The following LRRC36 variants were observed in gnomAD, a reference collection of about 807,000 sequenced individuals.
LRRC36 encodes leucine rich repeat containing 36, also known as leucine-rich repeat-containing protein 36.
Under a neutral mutation model 81.1 loss-of-function variants are expected in LRRC36, and 62 were observed. That is an observed-to-expected ratio of 0.76 (90% confidence interval 0.62 to 0.94). The LOEUF (loss-of-function observed/expected upper bound fraction) is 0.94. LRRC36 is among the 40% of genes least tolerant of loss of function. The pLI is 0.00. For missense variants in LRRC36, 761 were observed against 881.7 expected, an observed-to-expected ratio of 0.86 and a Z score of 1.73; for synonymous variants, 334 against 348.6, an observed-to-expected ratio of 0.96 and a Z score of 0.47.
intron 1 of LRRC36, among the ~76,000 whole-genome samples, chr16:67,339,610 G>A: frequency 6.6e-6 from 1 of 152,186 alleles, no homozygotes; most frequent in East Asian, 1.9e-4. Flanking sequence ...AGGTGGGCCA[G>A]AATAGCTTTT....
intron 1 of LRRC36, among the ~76,000 whole-genome samples, chr16:67,334,348 A>G (rs897380959): frequency 1.5e-5 from 2 of 135,470 alleles, no homozygotes; most frequent in Admixed American, 7.5e-5. Flanking sequence ...TTTTTGAGGC[A>G]GAGTCTTGTT....
intron 5 of LRRC36, among the ~76,000 whole-genome samples, chr16:67,357,071 G>A (rs920421604): frequency 3.3e-5 from 5 of 152,156 alleles, no homozygotes; most frequent in Admixed American, 6.5e-5. Context: ...ACCTGTCCTC[G>A]GAGGCCAATG....
chr16:67,355,872 A>T (rs1323194471), intron 5 of LRRC36, among the ~76,000 whole-genome samples: 1 of 152,180 alleles, frequency 6.6e-6, no homozygotes, highest in African/African-American at 2.4e-5. Context: ...CAGACCTTAC[A>T]GGCTGGAGAG....
chr16:67,355,393 G>A (rs1415932481), intron 5 of LRRC36, among the ~76,000 whole-genome samples: 1 of 10,308 alleles, frequency 9.7e-5, no homozygotes, highest in African/African-American at 1.4e-4. Flanking sequence ...TTTTTTTTTT[G>A]AGACGGAGTC....
intron 5 of LRRC36, among the ~76,000 whole-genome samples, chr16:67,357,350 A>T (rs2038947642): frequency 6.6e-6 from 1 of 152,268 alleles, no homozygotes; most frequent in Non-Finnish European, 1.5e-5. Context: ...AATAGTTATT[A>T]CATATTAATA....
chr16:67,328,338 C>T (rs2037304301), intron 1 of LRRC36, among the ~76,000 whole-genome samples: 1 of 152,120 alleles, frequency 6.6e-6, no homozygotes, highest in Non-Finnish European at 1.5e-5. Flanking sequence ...AGTGAAACCC[C>T]GTCTCTACTA....
intron 1 of LRRC36, among the ~76,000 whole-genome samples, chr16:67,333,621 G>A (rs1170580480): frequency 6.6e-6 from 1 of 151,792 alleles, no homozygotes; most frequent in East Asian, 1.9e-4. Context: ...CCTCTTCTGG[G>A]TATTTCATAT....
At chr16:67,375,098 G>A (rs2039829312) in intron 9 of LRRC36, 149 bp from the exon 10 acceptor site, 4 of 799,756 alleles carry the variant, frequency 5.0e-6, no homozygotes, top group Non-Finnish European at 5.8e-6. Flanking sequence ...CTGCACTCCA[G>A]CCTGGGTGAC....
At chr16:67,327,490 C>T (rs1319313180) in intron 1 of LRRC36, among the ~76,000 whole-genome samples, 1 of 151,986 alleles carries the variant, frequency 6.6e-6, no homozygotes, top group African/African-American at 2.4e-5. Flanking sequence ...GAGACTCCAT[C>T]TCAAAAATAA....
Position 67,376,872 on chromosome 16 carries a change from G to T in LRRC36, c.1806G>T (p.Met602Ile). Reference sequence around the variant, plus strand: ...CTGCGCAGCTGGTCCCTAATGACATGGTATGCCCCTCTCATCTCCCTTTAG... The same window carrying T: ...CTGCGCAGCTGGTCCCTAATGACATTGTATGCCCCTCTCATCTCCCTTTAG... The part of the protein sequence containing the change: ...KEAAQLVPND[M>I]ESLKQKLVRV... Residue 602 changes from methionine (M) to isoleucine (I), a missense_variant and splice_region_variant, in exon 11 of 14, where the codon ATG (methionine) becomes ATT (isoleucine). By Grantham distance (10) the Met-to-Ile change is conservative (BLOSUM62 1). Coordinates refer to ENST00000329956, the MANE Select transcript of LRRC36 (RefSeq NM_018296.6). 1 of 1,608,138 alleles carries T rather than the reference G, an allele frequency of 6.2e-7. No homozygotes were observed. Among genetic ancestry groups the T allele is most frequent in the South Asian group, 1.1e-5 (1 of 90,692 alleles).
Position 67,376,833 on chromosome 16 carries a change from T to C in LRRC36, c.1767T>C (p.Leu589=), listed in dbSNP as rs1218468321. 1 of 1,613,782 alleles carries C rather than the reference T, an allele frequency of 6.2e-7. No homozygotes were observed. The highest frequency in any genetic ancestry group is 8.5e-7 in the Non-Finnish European group (1 of 1,179,798). ...DTMKAFCRRE[L]ELKEAAQLVP... ...TGAAAGCATTCTGCAGGAGGGAGCT[T>C]GAACTGAAGGAGGCTGCGCAGCTGG... Residue 589 remains leucine (L), a synonymous_variant, in exon 11 of 14, where the codon CTT becomes CTC. Transcript: ENST00000329956.
At position 67,370,935 on chromosome 16, in the gene LRRC36, C is replaced by G; in HGVS notation, c.1196-9C>G. On this transcript the variant is annotated splice_polypyrimidine_tract_variant and intron_variant, in intron 8 of 13. Transcript: ENST00000329956. ...GGCAGGTTCATCTGTTAGCCTGTTT[C>G]CTCCACAGATCTGTATGCCACAACC... is the stretch of plus-strand genomic sequence containing the variant. 1 of 1,606,060 alleles carries G rather than the reference C, an allele frequency of 6.2e-7. No homozygotes were observed. Among genetic ancestry groups the G allele is most frequent in the Non-Finnish European group, 8.5e-7 (1 of 1,173,824 alleles).
At position 67,371,109 on chromosome 16, in the gene LRRC36, C is replaced by T. The variant is rs1304027197; in HGVS notation, c.1361C>T (p.Pro454Leu). The change falls in exon 9 of 14, where the codon CCT (proline) becomes CTT (leucine). Residue 454 changes from proline (P) to leucine (L), a missense_variant. Physicochemically the swap from Pro to Leu is moderately conservative, Grantham distance 98. Transcript: ENST00000329956. The stretch of plus-strand genomic sequence containing the variant: ...CCTCTGCGGACACTGCTGTTGTCTC[C>T]TGGGACTTCAGAACACAGAAAGATT... ...TTPLRTLLLS[P>L]GTSEHRKIFT... 2 of 1,614,202 alleles carry T rather than the reference C, an allele frequency of 1.2e-6. No individual in the cohort carries two copies.
At chr16:67,364,679 C>T (rs1180311129) in intron 6 of LRRC36, among the ~76,000 whole-genome samples, 1 of 151,930 alleles carries the variant, frequency 6.6e-6, no homozygotes, top group African/African-American at 2.4e-5. Flanking sequence ...AGTTAAATAG[C>T]ACTTCTTAGA....
Position 67,382,253 on chromosome 16 carries a change from A to C in LRRC36, c.2045+6A>C. Reference sequence around the variant, plus strand: ...ATTCTCCATGAAAGTCAGAGGTAGGAGAGGGTCTATCTAGCTTGCTTCTAG... The same window carrying C: ...ATTCTCCATGAAAGTCAGAGGTAGGCGAGGGTCTATCTAGCTTGCTTCTAG... On this transcript the variant is annotated splice_donor_region_variant and intron_variant, in intron 13 of 13. Transcript: ENST00000329956. 1.2e-6 allele frequency: 2 copies of C among 1,602,374 alleles called. No individual in the cohort carries two copies. The highest frequency in any genetic ancestry group is 1.1e-5 in the South Asian group (1 of 90,724).
chr16:67,374,121 A>G (rs1158881544), intron 9 of LRRC36, among the ~76,000 whole-genome samples: 1 of 152,022 alleles, frequency 6.6e-6, no homozygotes, highest in African/African-American at 2.4e-5. Flanking sequence ...GCTTGAACCC[A>G]GGAGTTCAAG....
At chr16:67,372,912 C>T (rs2039711601) in intron 9 of LRRC36, among the ~76,000 whole-genome samples, 1 of 152,174 alleles carries the variant, frequency 6.6e-6, no homozygotes, top group African/African-American at 2.4e-5. Context: ...TTTTCATTCT[C>T]AGTCCCCTAT....
chr16:67,371,768 C>T (rs532077429), intron 9 of LRRC36: 17 of 171,686 alleles, frequency 9.9e-5, no homozygotes, highest in African/African-American at 3.3e-4. Context: ...CTACTCTACT[C>T]GGGAGGCTGA....
chr16:67,330,915 C>A (rs910299416), intron 1 of LRRC36, among the ~76,000 whole-genome samples: 2 of 151,924 alleles, frequency 1.3e-5, no homozygotes, highest in African/African-American at 4.8e-5. Flanking sequence ...CTTGTCATAA[C>A]AGAATACCAT....
Sources: gnomAD v4.1 joint callset for allele counts (sites outside exome capture counted in the v4.1 genomes callset) on GRCh38, gnomAD v4.1.1 for gene constraint, MANE v1.5 for transcripts, NCBI Gene and HGNC (gene_info 2026-07-23, HGNC 2026-07-21) for gene names.